The following ZFYVE9 variants were observed in gnomAD, a reference collection of about 807,000 sequenced individuals.
ZFYVE9 encodes zinc finger FYVE domain-containing protein 9.
A neutral mutation model predicts 126.7 loss-of-function variants in ZFYVE9; 43 were observed. That is an observed-to-expected ratio of 0.34 (90% CI 0.27 to 0.44). The LOEUF is 0.44. Ranked by LOEUF, ZFYVE9 falls within the 20% of genes least tolerant of loss-of-function variation. The pLI, the probability that ZFYVE9 is intolerant of heterozygous loss-of-function variation, is 1.00. For missense variants in ZFYVE9, 1,476 were observed against 1,697.0 expected, an observed-to-expected ratio of 0.87 and a Z score of 2.29; for synonymous variants, 521 against 597.4, an observed-to-expected ratio of 0.87 and a Z score of 1.87.
intron 10 of ZFYVE9, among the ~76,000 whole-genome samples, chr1:52,291,275 A>G (rs1028681409): frequency 1.3e-5 from 2 of 152,228 alleles, no homozygotes; most frequent in African/African-American, 4.8e-5. Context: ...TGCTACTGTC[A>G]GGATACCTGT....
chr1:52,164,461 G>A (rs368300738), intron 1 of ZFYVE9, among the ~76,000 whole-genome samples: 59 of 152,100 alleles, frequency 3.9e-4, no homozygotes, highest in African/African-American at 7.2e-4. Flanking sequence ...TAATCCACCC[G>A]CCTCGGACTC....
chr1:52,301,242 C>G (rs540038608), intron 12 of ZFYVE9, among the ~76,000 whole-genome samples: 6 of 148,654 alleles, frequency 4.0e-5, no homozygotes, highest in Non-Finnish European at 7.4e-5. Context: ...CTTTGTTCCT[C>G]TCTACATAAC....
intron 1 of ZFYVE9, among the ~76,000 whole-genome samples, chr1:52,178,297 A>T (rs1484482808): frequency 2.7e-5 from 4 of 150,088 alleles, no homozygotes; most frequent in Non-Finnish European, 5.9e-5. Context: ...AAAAAAAAAA[A>T]AAAAAAGGTA....
At chr1:52,143,290 A>G (rs1251373465) in intron 1 of ZFYVE9, among the ~76,000 whole-genome samples, 1 of 152,220 alleles carries the variant, frequency 6.6e-6, no homozygotes, top group African/African-American at 2.4e-5. Flanking sequence ...GATACATGCT[A>G]AATTTTAGAA....
chr1:52,220,272 G>A (rs1424879138), intron 2 of ZFYVE9, among the ~76,000 whole-genome samples: 1 of 152,168 alleles, frequency 6.6e-6, no homozygotes, highest in Non-Finnish European at 1.5e-5. Flanking sequence ...GCTTGGGTTA[G>A]CCCCTTAATG....
chr1:52,156,367 A>G (rs1644403567), intron 1 of ZFYVE9, among the ~76,000 whole-genome samples: 1 of 152,184 alleles, frequency 6.6e-6, no homozygotes. Flanking sequence ...TTTGAATTAC[A>G]TGGATATATA....
At chr1:52,165,618 C>T (rs1644506326) in intron 1 of ZFYVE9, among the ~76,000 whole-genome samples, 1 of 152,130 alleles carries the variant, frequency 6.6e-6, no homozygotes, top group South Asian at 2.1e-4. Context: ...CTGAACTTTT[C>T]TATATGCTGC....
In ZFYVE9 at chr1:52,180,519, C is replaced by T. The variant is rs147863929; in HGVS notation, c.-142-35850C>T. On this transcript the variant is annotated intron_variant, in intron 1 of 18. Transcript: ENST00000287727. ...GCTGTCCTCAGTGCAATGCTCTGTC[C>T]CCATGAAGAGGGACAGTGATTCTGA... 4,078 of 748,004 alleles carry T rather than the reference C, an allele frequency of 5.5e-3. 20 individuals are homozygous for T. Among genetic ancestry groups the T allele is most frequent in the Non-Finnish European group, 7.7e-3 (3,246 of 419,604 alleles). The allele number at this position is 748,004 out of a possible 1,614,324, so 46.3% of individuals were successfully genotyped here. A position where few individuals can be genotyped will look rare whatever the true frequency, so the allele number is the denominator to read the frequency against.
intron 12 of ZFYVE9, among the ~76,000 whole-genome samples, chr1:52,302,868 G>A (rs567628180): frequency 1.0e-3 from 153 of 152,232 alleles, no homozygotes; most frequent in African/African-American, 3.4e-3. Context: ...GTAGCACTTT[G>A]AGAGACCGAG....
chr1:52,259,890 C>G (rs567746252), intron 4 of ZFYVE9, among the ~76,000 whole-genome samples: 1 of 152,172 alleles, frequency 6.6e-6, no homozygotes, highest in Non-Finnish European at 1.5e-5. Flanking sequence ...ACATACAGAA[C>G]TATTTCATTC....
intron 1 of ZFYVE9, among the ~76,000 whole-genome samples, chr1:52,145,581 T>C (rs572610111): frequency 6.6e-6 from 1 of 152,278 alleles, no homozygotes; most frequent in Admixed American, 6.5e-5. Flanking sequence ...ACTATTGGGG[T>C]AACACTACCC....
At chr1:52,216,142 C>T (rs1393658365) in intron 1 of ZFYVE9, among the ~76,000 whole-genome samples, 1 of 152,132 alleles carries the variant, frequency 6.6e-6, no homozygotes, top group Non-Finnish European at 1.5e-5. Flanking sequence ...TGAAAATAAA[C>T]GTGCAAAAAC....
At chr1:52,162,267 G>T in intron 1 of ZFYVE9, 1 of 321,036 alleles carries the variant, frequency 3.1e-6, no homozygotes, top group South Asian at 3.8e-5. Context: ...CTTCTGTACC[G>T]GTAATCATAG....
At chr1:52,182,758 T>A (rs531169218) in intron 1 of ZFYVE9, among the ~76,000 whole-genome samples, 2 of 134,632 alleles carry the variant, frequency 1.5e-5, no homozygotes, top group African/African-American at 7.5e-5. Flanking sequence ...AAAAATAAAA[T>A]AAAAAATAAA....
chr1:52,249,734 C>T lies in ZFYVE9; in HGVS notation c.2178+10139C>T, dbSNP rs533586340. Among the ~76,000 whole-genome samples the T allele has an allele frequency of 1.1e-4, 16 of 152,238 alleles. No homozygotes were observed. The South Asian group carries it at 1.9e-3, about 18-fold the overall frequency. Reference sequence around the variant, plus strand: ...TGAAGTCTTTCCCTTATGTTGTCTTCTAAGTGTTTTGCAGTTTTAGTGCTT... The same window carrying T: ...TGAAGTCTTTCCCTTATGTTGTCTTTTAAGTGTTTTGCAGTTTTAGTGCTT... On this transcript the variant is annotated intron_variant, in intron 4 of 18. Transcript: ENST00000287727.
chr1:52,197,068 G>A (rs1453557941), intron 1 of ZFYVE9, among the ~76,000 whole-genome samples: 6 of 152,148 alleles, frequency 3.9e-5, no homozygotes, highest in Non-Finnish European at 8.8e-5. Context: ...AATGGAGAAT[G>A]GATTGGAGGA....
Position 52,238,374 on chromosome 1 carries a change from G to T in ZFYVE9, c.957G>T (p.Met319Ile), listed in dbSNP as rs1231402014. ...SFSHMSEGIL[M>I]KKEPAEESTT... ...CCCACATGAGTGAGGGGATTTTGAT[G>T]AAAAAAGAGCCAGCAGAGGAGAGCA... Residue 319 changes from methionine to isoleucine, a missense_variant, in exon 4 of 19, where the codon ATG becomes ATT. By Grantham distance (10) the Met-to-Ile change is conservative (BLOSUM62 1). Transcript: ENST00000287727. 6.8e-6 allele frequency: 11 copies of T among 1,613,556 alleles called. No homozygotes were observed. Among genetic ancestry groups the T allele is most frequent in the Non-Finnish European group, 5.9e-6 (7 of 1,179,898 alleles).
chr1:52,334,618 AT>A (rs1352656684), intron 14 of ZFYVE9, 69 bp from the exon 15 acceptor site: 2 of 1,502,606 alleles, frequency 1.3e-6, no homozygotes, highest in Admixed American at 3.6e-5. Context: ...ACTTCTGAAT[AT>A]TTTGTTATTA....
intron 4 of ZFYVE9, among the ~76,000 whole-genome samples, chr1:52,255,497 A>T (rs1300128653): frequency 2.0e-5 from 3 of 151,578 alleles, no homozygotes; most frequent in African/African-American, 7.3e-5. Flanking sequence ...AGGCAGGAGA[A>T]TCGCTTGAAC....
Sources: gnomAD v4.1 joint callset for allele counts (sites outside exome capture counted in the v4.1 genomes callset) on GRCh38, gnomAD v4.1.1 for gene constraint, MANE v1.5 for transcripts, NCBI Gene and HGNC (gene_info 2026-07-23, HGNC 2026-07-21) for gene names.